IL1RAPL1: variants seen among roughly 807,000 people sequenced by gnomAD.
IL1RAPL1 encodes the protein interleukin 1 receptor accessory protein like 1, also known as interleukin-1 receptor accessory protein-like 1.
IL1RAPL1 carries 3 observed loss-of-function variants against 48.4 expected under a neutral mutation model. The ratio of observed to expected loss-of-function variants is 0.06; its 90% confidence interval spans 0.03 to 0.16. The LOEUF (loss-of-function observed/expected upper bound fraction) is 0.16, where lower values mean the gene tolerates loss of function less well. Ranked by LOEUF, IL1RAPL1 falls within the 10% of genes least tolerant of loss-of-function variation. The pLI, the probability that IL1RAPL1 is intolerant of heterozygous loss-of-function variation, is 1.00. For synonymous variants in IL1RAPL1, 185 were observed against 187.7 expected, an observed-to-expected ratio of 0.99 and a Z score of 0.12; for missense variants, 349 against 530.6, an observed-to-expected ratio of 0.66 and a Z score of 3.36.
At chrX:29,869,148 G>A (rs1284822323) in intron 6 of IL1RAPL1, among the ~76,000 whole-genome samples, 1 of 112,277 alleles carries the variant, frequency 8.9e-6, no homozygotes, top group African/African-American at 3.2e-5. Flanking sequence ...TAATTGTAGT[G>A]TGACAAAACA....
intron 5 of IL1RAPL1, among the ~76,000 whole-genome samples, chrX:29,469,928 G>T (rs1041659388): frequency 8.9e-6 from 1 of 111,950 alleles, no homozygotes; most frequent in Non-Finnish European, 1.9e-5. Context: ...ACTGCAGAAA[G>T]AAGACTGTAA....
In IL1RAPL1 at chrX:29,472,440, T is replaced by C. The variant is rs773684437; in HGVS notation, c.703+73132T>C. Reference sequence around the variant, plus strand: ...CACCTATGCCTTCAACAATCATGTATGTGCTTTTAACTACAAATTTATGTT... The same window carrying C: ...CACCTATGCCTTCAACAATCATGTACGTGCTTTTAACTACAAATTTATGTT... On this transcript the variant is annotated intron_variant, in intron 5 of 10. Transcript: ENST00000378993. Among the ~76,000 whole-genome samples the C allele has an allele frequency of 2.7e-5, 3 of 112,142 alleles. No homozygotes were observed. The South Asian group carries it at 1.1e-3, about 42-fold the overall frequency.
In IL1RAPL1 at chrX:28,770,525, A is replaced by G. The variant is rs1936296908; in HGVS notation, c.-24-18795A>G. On this transcript the variant is annotated intron_variant, in intron 1 of 10. Transcript: ENST00000378993. ...AAGTGCTATCCTTCCAACGTGTATAATAGTTTTTAAATGCAATCTTGCTGA... is the reference window on the plus strand; with the variant it reads ...AAGTGCTATCCTTCCAACGTGTATAGTAGTTTTTAAATGCAATCTTGCTGA... Among the ~76,000 whole-genome samples the G allele has an allele frequency of 6.2e-5, 7 of 112,369 alleles. No homozygotes were observed. The Admixed American group carries it at 6.6e-4, about 11-fold the overall frequency.
intron 2 of IL1RAPL1, among the ~76,000 whole-genome samples, chrX:29,097,921 A>G (rs1451321015): frequency 8.9e-6 from 1 of 111,954 alleles, no homozygotes; most frequent in Non-Finnish European, 1.9e-5. Context: ...CCTTCTTTTG[A>G]TCGTGGGCAG....
At chrX:29,270,907 A>G (rs1253804641) in intron 2 of IL1RAPL1, among the ~76,000 whole-genome samples, 1 of 111,351 alleles carries the variant, frequency 9.0e-6, no homozygotes, top group Non-Finnish European at 1.9e-5. Context: ...CAGCTTTGTT[A>G]TATAGGTAAA....
chrX:29,306,184 A>G (rs1932613802), intron 3 of IL1RAPL1, among the ~76,000 whole-genome samples: 1 of 111,951 alleles, frequency 8.9e-6, no homozygotes, highest in African/African-American at 3.3e-5. Context: ...CACATGTTTA[A>G]TTCCCTCCAA....
chrX:28,961,738 C>A (rs992051949), intron 2 of IL1RAPL1, among the ~76,000 whole-genome samples: 1 of 111,540 alleles, frequency 9.0e-6, no homozygotes, highest in Non-Finnish European at 1.9e-5. Flanking sequence ...ACTTTGTTAC[C>A]CATGTGACTG....
At chrX:29,557,972 G>C (rs755256730) in intron 5 of IL1RAPL1, among the ~76,000 whole-genome samples, 1 of 111,317 alleles carries the variant, frequency 9.0e-6, no homozygotes, top group Admixed American at 9.6e-5. Context: ...TATATTTGCT[G>C]TTGTGAATAA....
At chrX:28,612,727 T>C (rs1934165403) in intron 1 of IL1RAPL1, among the ~76,000 whole-genome samples, 1 of 112,216 alleles carries the variant, frequency 8.9e-6, no homozygotes, top group Non-Finnish European at 1.9e-5. Context: ...GAGGAAACTT[T>C]ATGAGCAAAG....
rs570431542 is a variant in IL1RAPL1 at position 29,168,909 on chromosome X, A to ATG, written c.83-114028_83-114027insGT. Among the ~76,000 whole-genome samples the ATG allele has an allele frequency of 1.2e-3, 99 of 83,663 alleles. 1 individual carries two copies. The highest frequency in any genetic ancestry group is 7.5e-3 in the Middle Eastern group (1 of 134). 72.7% of individuals were successfully genotyped at this position (83,663 alleles called of 115,157 possible). On this transcript the variant is annotated intron_variant, in intron 2 of 10. Coordinates refer to ENST00000378993, the MANE Select transcript of IL1RAPL1 (RefSeq NM_014271.4). The stretch of plus-strand genomic sequence containing the variant: ...TATATATTCATATGTACAATTGTAT[A>ATG]TATATTCATATGTACAATTGTATAT...
At chrX:28,676,368 G>C (rs1029523957) in intron 1 of IL1RAPL1, among the ~76,000 whole-genome samples, 1 of 111,983 alleles carries the variant, frequency 8.9e-6, no homozygotes, top group Non-Finnish European at 1.9e-5. Flanking sequence ...AAGAAAAGGA[G>C]AGGTTTAAAA....
chrX:29,283,450 C>G lies in IL1RAPL1; in HGVS notation c.362+233C>G, dbSNP rs540587547. On this transcript the variant is annotated intron_variant, in intron 3 of 10. Coordinates refer to ENST00000378993, the MANE Select transcript of IL1RAPL1 (RefSeq NM_014271.4). Reference sequence around the variant, plus strand: ...CCATCTGGGTAGCTACTTATGTTACCAAGAATTACTAAAAACTATGAAATA... The same window carrying G: ...CCATCTGGGTAGCTACTTATGTTACGAAGAATTACTAAAAACTATGAAATA... Among the ~76,000 whole-genome samples, 4 of 111,733 alleles carry G rather than the reference C, an allele frequency of 3.6e-5. No individual in the cohort carries two copies. The South Asian group carries it at 1.5e-3, about 42-fold the overall frequency.
At chrX:29,238,515 A>G (rs1327331448) in intron 2 of IL1RAPL1, among the ~76,000 whole-genome samples, 3 of 110,832 alleles carry the variant, frequency 2.7e-5, no homozygotes, top group African/African-American at 6.6e-5. Context: ...CTTTCCCTCA[A>G]TCTCATATGC....
chrX:28,856,351 A>G (rs1045096668), intron 2 of IL1RAPL1, among the ~76,000 whole-genome samples: 3 of 112,245 alleles, frequency 2.7e-5, no homozygotes, highest in African/African-American at 9.7e-5. Context: ...AAAACTCAAC[A>G]GGAACCACAG....
At chrX:29,802,938 C>CATATATACAT (rs1233395027) in intron 6 of IL1RAPL1, among the ~76,000 whole-genome samples, 1 of 46,614 alleles carries the variant, frequency 2.1e-5, no homozygotes, top group African/African-American at 9.6e-5. Flanking sequence ...TATATGTGTA[C>CATATATACAT]ATATGTATGC....
chrX:29,342,686 G>C (rs1287609440), intron 3 of IL1RAPL1, among the ~76,000 whole-genome samples: 1 of 111,838 alleles, frequency 8.9e-6, no homozygotes, highest in Non-Finnish European at 1.9e-5. Context: ...AGTATCACTT[G>C]GTTGCTTTTC....
At chrX:29,935,022 C>T (rs1353553122) in intron 8 of IL1RAPL1, among the ~76,000 whole-genome samples, 1 of 111,215 alleles carries the variant, frequency 9.0e-6, no homozygotes, top group South Asian at 3.8e-4. Context: ...ACTGACATTT[C>T]GAAGAGTAGA....
intron 5 of IL1RAPL1, among the ~76,000 whole-genome samples, chrX:29,657,464 G>A (rs546338139): frequency 2.7e-5 from 3 of 111,694 alleles, no homozygotes; most frequent in South Asian, 3.7e-4. Context: ...CTGCAGAAGC[G>A]CAAGCATATG....
At chrX:28,753,968 C>T (rs1936076766) in intron 1 of IL1RAPL1, among the ~76,000 whole-genome samples, 1 of 109,101 alleles carries the variant, frequency 9.2e-6, no homozygotes, top group Non-Finnish European at 1.9e-5. Flanking sequence ...GAGAACACAC[C>T]CTAAAAGGTT....
Sources: allele counts gnomAD v4.1 joint callset (sites outside exome capture counted in the v4.1 genomes callset), GRCh38; gene constraint gnomAD v4.1.1; transcripts MANE v1.5; gene names NCBI Gene and HGNC (gene_info 2026-07-23, HGNC 2026-07-21).